EML4: variants seen among roughly 807,000 people sequenced by gnomAD.
EML4 encodes the protein echinoderm microtubule-associated protein-like 4.
A neutral mutation model predicts 129.0 loss-of-function variants in EML4; 72 were observed. The observed-to-expected ratio is 0.56, with a 90% CI of 0.46 to 0.68. EML4 has a LOEUF of 0.68. Ranked by LOEUF, EML4 falls within the 30% of genes least tolerant of loss-of-function variation. The probability of loss-of-function intolerance (pLI) is 0.00; values close to 1 mark genes in which losing one functional copy is unlikely to be tolerated. For synonymous variants in EML4, 532 were observed against 405.0 expected, an observed-to-expected ratio of 1.31 and a Z score of -3.77; for missense variants, 1,363 against 1,190.6, an observed-to-expected ratio of 1.14 and a Z score of -2.13.
intron 1 of EML4, among the ~76,000 whole-genome samples, chr2:42,215,835 C>T (rs1443403137): frequency 6.6e-6 from 1 of 152,188 alleles, no homozygotes. Flanking sequence ...GCATACCCAG[C>T]CAAACTTTGG....
At chr2:42,195,244 C>T (rs1437274138) in intron 1 of EML4, among the ~76,000 whole-genome samples, 2 of 151,964 alleles carry the variant, frequency 1.3e-5, no homozygotes, top group Non-Finnish European at 2.9e-5. Flanking sequence ...CATCATGCTA[C>T]CAGATAAAAC....
intron 1 of EML4, among the ~76,000 whole-genome samples, chr2:42,227,938 G>T (rs1674081162): frequency 6.6e-6 from 1 of 152,166 alleles, no homozygotes; most frequent in Admixed American, 6.5e-5. Flanking sequence ...ATTATACATA[G>T]GCCGGGCACA....
At chr2:42,250,587 T>C (rs932598464) in intron 2 of EML4, among the ~76,000 whole-genome samples, 6 of 152,152 alleles carry the variant, frequency 3.9e-5, no homozygotes. Flanking sequence ...TGGGCATTTT[T>C]TTCCTTGTTT....
chr2:42,275,893 A>C (rs1039909317), intron 6 of EML4, among the ~76,000 whole-genome samples: 3 of 152,126 alleles, frequency 2.0e-5, no homozygotes, highest in African/African-American at 7.2e-5. Context: ...CAGACTTTGT[A>C]TTGTTACTGA....
rs1667181878 is a variant in EML4, at chr2:42,284,522, A to G, written c.942-112A>G. ...TTTGATTTGCTGAAGAAAACAGATA[A>G]ACGTATGTTTTTTAACGATTAAAAA... On this transcript the variant is annotated intron_variant, in intron 8 of 22. Transcript: ENST00000318522. 1.7e-5 allele frequency: 10 copies of G among 590,378 alleles called. No homozygotes were observed. In the East Asian group the frequency reaches 3.1e-4, roughly 18 times the overall value. 36.6% of individuals were successfully genotyped at this position (590,378 alleles called of 1,614,324 possible).
intron 13 of EML4, among the ~76,000 whole-genome samples, chr2:42,298,805 T>G (rs1369199030): frequency 6.6e-6 from 1 of 152,228 alleles, no homozygotes; most frequent in Admixed American, 6.5e-5. Context: ...AAGCTTTATT[T>G]TCTTACATTC....
chr2:42,185,075 C>A (rs148805311), intron 1 of EML4, among the ~76,000 whole-genome samples: 5 of 151,736 alleles, frequency 3.3e-5, no homozygotes, highest in African/African-American at 7.3e-5. Context: ...TCATTGGTCC[C>A]GGAATAATAT....
chr2:42,327,441 C>T (rs1218356949), intron 21 of EML4, among the ~76,000 whole-genome samples: 2 of 152,240 alleles, frequency 1.3e-5, no homozygotes, highest in Non-Finnish European at 2.9e-5. Flanking sequence ...ACAGTGACTA[C>T]ATTTACATTT....
chr2:42,277,005 A>G, intron 6 of EML4, among the ~76,000 whole-genome samples: 1 of 152,160 alleles, frequency 6.6e-6, no homozygotes, highest in Non-Finnish European at 1.5e-5. Context: ...TTGACACTTG[A>G]TACCCAATAT....
At chr2:42,211,679 G>C (rs1672894180) in intron 1 of EML4, among the ~76,000 whole-genome samples, 1 of 152,062 alleles carries the variant, frequency 6.6e-6, no homozygotes, top group South Asian at 2.1e-4. Flanking sequence ...TATTGAAACA[G>C]TGACATTTAA....
chr2:42,181,419 C>G (rs973679637), intron 1 of EML4, among the ~76,000 whole-genome samples: 1 of 152,142 alleles, frequency 6.6e-6, no homozygotes, highest in South Asian at 2.1e-4. Context: ...CTGCCTCAGC[C>G]TCCTGAGTAG....
At chr2:42,297,949 C>T (rs1029417725) in intron 13 of EML4, among the ~76,000 whole-genome samples, 6 of 152,074 alleles carry the variant, frequency 3.9e-5, no homozygotes, top group Non-Finnish European at 5.9e-5. Flanking sequence ...TGTGAATCTT[C>T]AAAGTAATTA....
intron 2 of EML4, among the ~76,000 whole-genome samples, chr2:42,253,933 A>T (rs1033437000): frequency 4.6e-5 from 7 of 152,238 alleles, no homozygotes; most frequent in Admixed American, 2.6e-4. Context: ...ATCAAAATTT[A>T]AAAATCTTGT....
chr2:42,316,463 G>C (rs1669250007), intron 18 of EML4, among the ~76,000 whole-genome samples: 1 of 152,174 alleles, frequency 6.6e-6, no homozygotes, highest in Non-Finnish European at 1.5e-5. Flanking sequence ...GGCCCTTCAA[G>C]TCCTTTAGAA....
intron 11 of EML4, among the ~76,000 whole-genome samples, chr2:42,290,280 A>T (rs1209909126): frequency 6.6e-6 from 1 of 152,122 alleles, no homozygotes; most frequent in African/African-American, 2.4e-5. Context: ...TCTACTATAG[A>T]TGAGCTCCAT....
At chr2:42,198,471 A>C (rs1214969214) in intron 1 of EML4, among the ~76,000 whole-genome samples, 2 of 152,088 alleles carry the variant, frequency 1.3e-5, no homozygotes, top group Non-Finnish European at 2.9e-5. Context: ...TTGGGAGGCC[A>C]AGGTGGGAGG....
chr2:42,227,247 A>G (rs1047012028), intron 1 of EML4, among the ~76,000 whole-genome samples: 5 of 152,112 alleles, frequency 3.3e-5, no homozygotes, highest in African/African-American at 9.6e-5. Flanking sequence ...GCCTGCCCCA[A>G]GTAGCTGGCT....
intron 1 of EML4, among the ~76,000 whole-genome samples, chr2:42,209,828 C>T (rs971653685): frequency 3.9e-5 from 6 of 152,076 alleles, no homozygotes; most frequent in Non-Finnish European, 5.9e-5. Context: ...GCTTGGGAGG[C>T]TGAGGCAGGA....
At chr2:42,254,382 C>T (rs1460716905) in intron 2 of EML4, among the ~76,000 whole-genome samples, 17 of 150,210 alleles carry the variant, frequency 1.1e-4, no homozygotes, top group South Asian at 2.1e-4. Flanking sequence ...GATTGAGCCC[C>T]GGGAGGCCGT....
Sources: gnomAD v4.1 joint callset for allele counts (sites outside exome capture counted in the v4.1 genomes callset) on GRCh38, gnomAD v4.1.1 for gene constraint, MANE v1.5 for transcripts, NCBI Gene and HGNC (gene_info 2026-07-23, HGNC 2026-07-21) for gene names.